MSI2: variants seen among roughly 807,000 people sequenced by gnomAD.
The protein encoded by MSI2 is RNA-binding protein Musashi homolog 2.
In MSI2, 17 loss-of-function variants were observed where a neutral mutation model predicts 45.6. The observed-to-expected ratio is 0.37, with a 90% CI of 0.26 to 0.56. The LOEUF (loss-of-function observed/expected upper bound fraction) is 0.56, where lower values mean the gene tolerates loss of function less well. Ranked by LOEUF, MSI2 falls within the 20% of genes least tolerant of loss-of-function variation. MSI2 has a pLI of 0.77. For missense variants in MSI2, 293 were observed against 444.2 expected, an observed-to-expected ratio of 0.66 and a Z score of 3.06; for synonymous variants, 156 against 158.2, an observed-to-expected ratio of 0.99 and a Z score of 0.11.
intron 6 of MSI2, among the ~76,000 whole-genome samples, chr17:57,507,279 G>C (rs1313836713): frequency 3.6e-5 from 5 of 137,212 alleles, no homozygotes; most frequent in African/African-American, 2.8e-5. Flanking sequence ...GTGTGTGTGT[G>C]TCTCCCCCAC....
chr17:57,442,526 A>G (rs2084818997), intron 6 of MSI2, among the ~76,000 whole-genome samples: 1 of 152,152 alleles, frequency 6.6e-6, no homozygotes, highest in African/African-American at 2.4e-5. Context: ...CCTGACCAGC[A>G]GTTAGCCATC....
At chr17:57,426,483 T>G (rs73991823) in intron 6 of MSI2, among the ~76,000 whole-genome samples, 1 of 152,256 alleles carries the variant, frequency 6.6e-6, no homozygotes, top group African/African-American at 2.4e-5. Flanking sequence ...AGTACCCATT[T>G]TGGGATTTTT....
At position 57,552,613 on chromosome 17, in the gene MSI2, T is replaced by C. The variant is rs2144194799; in HGVS notation, c.454+22889T>C. Among the ~76,000 whole-genome samples, 1 of 152,316 alleles carries C rather than the reference T, an allele frequency of 6.6e-6. No homozygotes were observed. Among genetic ancestry groups the C allele is most frequent in the South Asian group, 2.1e-4 (1 of 4,824 alleles). On this transcript the variant is annotated intron_variant, in intron 7 of 13. Transcript: ENST00000284073. This position sits in a 1 kb window ranked among gnomAD's most constrained non-coding sequence, Gnocchi z 4.3. ...CCTTGGTTAGAGACAGTCTGGCAAG[T>C]TTCCTCTGGTTCAAACTTACGTTTG... is the stretch of plus-strand genomic sequence containing the variant.
intron 10 of MSI2, among the ~76,000 whole-genome samples, chr17:57,643,475 G>A (rs1477770315): frequency 6.6e-6 from 1 of 152,232 alleles, no homozygotes; most frequent in Non-Finnish European, 1.5e-5. Context: ...AGTGGGGTGG[G>A]ACAGGTGCTC....
chr17:57,613,929 T>C (rs933397724), intron 8 of MSI2, among the ~76,000 whole-genome samples: 12 of 152,250 alleles, frequency 7.9e-5, no homozygotes, highest in African/African-American at 2.7e-4. Flanking sequence ...GACTTATATC[T>C]TAGGTAATTA....
intron 5 of MSI2, among the ~76,000 whole-genome samples, chr17:57,396,599 A>G (rs1156870654): frequency 6.6e-6 from 1 of 152,228 alleles, no homozygotes; most frequent in Non-Finnish European, 1.5e-5. Flanking sequence ...AGCTCTGGTT[A>G]GTACTGGCTT....
At chr17:57,461,303 G>A (rs927810625) in intron 6 of MSI2, among the ~76,000 whole-genome samples, 1 of 152,166 alleles carries the variant, frequency 6.6e-6, no homozygotes, top group Non-Finnish European at 1.5e-5. Context: ...CTGTTCAGTG[G>A]TAATTAGTCA....
intron 6 of MSI2, among the ~76,000 whole-genome samples, chr17:57,501,667 G>A (rs2086109706): frequency 6.6e-6 from 1 of 152,198 alleles, no homozygotes; most frequent in Non-Finnish European, 1.5e-5. Context: ...TATGTGTGCT[G>A]ATTCATCTCC....
chr17:57,640,347 C>T (rs1052768137), intron 10 of MSI2, among the ~76,000 whole-genome samples: 3 of 152,126 alleles, frequency 2.0e-5, no homozygotes, highest in African/African-American at 4.8e-5. Context: ...CACTCACAAG[C>T]GAATTATCAA....
chr17:57,535,275 T>C (rs910818975), intron 7 of MSI2, among the ~76,000 whole-genome samples: 3 of 152,190 alleles, frequency 2.0e-5, no homozygotes, highest in African/African-American at 4.8e-5. Flanking sequence ...TCAGCTGTCC[T>C]TCCCTCCAAT....
the MSI2 span, among the ~76,000 whole-genome samples, chr17:57,699,849 G>C: frequency 6.6e-6 from 1 of 152,290 alleles, no homozygotes; most frequent in Middle Eastern, 3.4e-3. Context: ...TGCTGCCCTC[G>C]CCACCCCTCC....
chr17:57,468,545 G>C (rs1273998646), intron 6 of MSI2, among the ~76,000 whole-genome samples: 1 of 148,246 alleles, frequency 6.7e-6, no homozygotes, highest in Non-Finnish European at 1.5e-5. Context: ...AAAACAAGCA[G>C]TGGCTGGCAC....
At chr17:57,561,387 C>T (rs776038100) in intron 7 of MSI2, among the ~76,000 whole-genome samples, 2 of 152,164 alleles carry the variant, frequency 1.3e-5, no homozygotes, top group Non-Finnish European at 2.9e-5. Context: ...CACAAAAATC[C>T]CCGCTCTTGC....
intron 5 of MSI2, among the ~76,000 whole-genome samples, chr17:57,269,799 C>T (rs1243050479): frequency 1.3e-5 from 2 of 152,140 alleles, no homozygotes; most frequent in Non-Finnish European, 2.9e-5. Flanking sequence ...GCAGTCTGAC[C>T]TGTGACTTCA....
intron 5 of MSI2, among the ~76,000 whole-genome samples, chr17:57,356,516 C>A (rs1042378365): frequency 6.6e-6 from 1 of 152,100 alleles, no homozygotes; most frequent in East Asian, 1.9e-4. Flanking sequence ...TCAGCAAGAT[C>A]CCCCCTCCCC....
chr17:57,504,809 G>C (rs993863763), intron 6 of MSI2, among the ~76,000 whole-genome samples: 8 of 151,912 alleles, frequency 5.3e-5, no homozygotes, highest in African/African-American at 1.9e-4. Context: ...CAGGCGCCTG[G>C]AATCCCAGCT....
chr17:57,367,332 G>A (rs551145183), intron 5 of MSI2, among the ~76,000 whole-genome samples: 6 of 152,262 alleles, frequency 3.9e-5, no homozygotes, highest in African/African-American at 1.2e-4. Context: ...AGATACAAGT[G>A]GAATATTAAC....
chr17:57,541,670 G>A (rs1172944160), intron 7 of MSI2, among the ~76,000 whole-genome samples: 2 of 152,150 alleles, frequency 1.3e-5, no homozygotes, highest in Admixed American at 6.5e-5. Context: ...TAAGGACACC[G>A]GTGGGCACAG....
intron 10 of MSI2, among the ~76,000 whole-genome samples, chr17:57,648,441 G>A (rs1910868382): frequency 6.6e-6 from 1 of 152,192 alleles, no homozygotes; most frequent in African/African-American, 2.4e-5. Context: ...CTTGCCCAAA[G>A]TCACACAGCT....
Sources: allele counts gnomAD v4.1 joint callset (sites outside exome capture counted in the v4.1 genomes callset), GRCh38; gene constraint gnomAD v4.1.1; non-coding constraint Gnocchi (gnomAD v3.1); transcripts MANE v1.5; gene names NCBI Gene and HGNC (gene_info 2026-07-23, HGNC 2026-07-21).